The following MYO9A variants were observed in gnomAD, a reference collection of about 807,000 sequenced individuals.
MYO9A encodes the protein unconventional myosin-IXa.
Under a neutral mutation model 293.3 loss-of-function variants are expected in MYO9A, and 103 were observed. That is an observed-to-expected ratio of 0.35 (90% confidence interval 0.30 to 0.41). The LOEUF is 0.41. MYO9A is among the 10% of genes least tolerant of loss of function. The pLI is 1.00. For synonymous variants in MYO9A, 1,001 were observed against 1,035.7 expected, an observed-to-expected ratio of 0.97 and a Z score of 0.64; for missense variants, 2,685 against 3,033.0, an observed-to-expected ratio of 0.89 and a Z score of 2.69.
chr15:71,886,817 A>G (rs978037375), intron 27 of MYO9A, among the ~76,000 whole-genome samples: 1 of 152,062 alleles, frequency 6.6e-6, no homozygotes, highest in Non-Finnish European at 1.5e-5. Context: ...TATATAATCT[A>G]TTATTTCCAG....
chr15:71,939,235 G>T (rs1403779373), intron 15 of MYO9A, among the ~76,000 whole-genome samples: 2 of 152,112 alleles, frequency 1.3e-5, no homozygotes, highest in Non-Finnish European at 2.9e-5. Flanking sequence ...GGTTCAGGGG[G>T]TACACATGAA....
intron 1 of MYO9A, among the ~76,000 whole-genome samples, chr15:72,104,284 G>C (rs1230461995): frequency 6.6e-6 from 1 of 152,162 alleles, no homozygotes; most frequent in East Asian, 1.9e-4. Context: ...GCTAAGCTAA[G>C]CTATTATATT....
intron 32 of MYO9A, among the ~76,000 whole-genome samples, chr15:71,864,177 AG>A (rs564397021): frequency 4.7e-4 from 72 of 152,356 alleles, no homozygotes; most frequent in African/African-American, 1.5e-3. Flanking sequence ...AAAATACTGA[AG>A]AGACAGCTCA....
intron 30 of MYO9A, among the ~76,000 whole-genome samples, chr15:71,878,595 T>C (rs2056766895): frequency 2.0e-5 from 3 of 152,160 alleles, no homozygotes; most frequent in Admixed American, 6.5e-5. Context: ...ACTCTAAAAT[T>C]GAAAGAATGA....
Position 72,046,584 on chromosome 15 carries a change from C to A in MYO9A, c.-21G>T, listed in dbSNP as rs1346637318. ...TTCATATTGGATCCTGTCCCATCAG[C>A]ATGGATAGTATATGTTCAAAGTCGT... On this transcript the variant is annotated 5_prime_UTR_variant, in exon 2 of 42. It removes an upstream start codon present in the reference 5' UTR. Coordinates refer to ENST00000356056, the MANE Select transcript of MYO9A (RefSeq NM_006901.4). 1.3e-6 allele frequency: 2 copies of A among 1,555,158 alleles called. No homozygotes were observed. The highest frequency in any genetic ancestry group is 1.2e-5 in the South Asian group (1 of 81,436).
intron 1 of MYO9A, among the ~76,000 whole-genome samples, chr15:72,101,953 C>G (rs1224617126): frequency 1.3e-5 from 2 of 152,026 alleles, no homozygotes; most frequent in Non-Finnish European, 2.9e-5. Context: ...AAGTGAGGAG[C>G]CCCTCTGCCC....
intron 1 of MYO9A, among the ~76,000 whole-genome samples, chr15:72,100,519 G>A (rs1025762880): frequency 4.1e-5 from 6 of 147,686 alleles, no homozygotes; most frequent in Non-Finnish European, 3.0e-5. Context: ...GGTGAGGAGC[G>A]CCTCTTTCCG....
intron 17 of MYO9A, 35 bp from the exon 18 acceptor site, chr15:71,933,744 T>A (rs773767374): frequency 6.4e-7 from 1 of 1,561,928 alleles, no homozygotes; most frequent in Non-Finnish European, 8.7e-7. Flanking sequence ...AAAAAGCTAC[T>A]GTATAAAAAC....
chr15:71,926,238 C>T (rs1166925965), intron 18 of MYO9A, among the ~76,000 whole-genome samples: 2 of 152,150 alleles, frequency 1.3e-5, no homozygotes, highest in Non-Finnish European at 2.9e-5. Flanking sequence ...CAAGCCAGTC[C>T]TCTGGTCCTG....
At chr15:71,885,517 A>C (rs997712643) in intron 27 of MYO9A, among the ~76,000 whole-genome samples, 2 of 152,040 alleles carry the variant, frequency 1.3e-5, no homozygotes, top group Admixed American at 1.3e-4. Context: ...TGTTGAAAAA[A>C]ATCTCTCCCA....
At chr15:71,971,722 G>A (rs1481366825) in intron 12 of MYO9A, among the ~76,000 whole-genome samples, 1 of 151,486 alleles carries the variant, frequency 6.6e-6, no homozygotes, top group African/African-American at 2.4e-5. Context: ...CAAGAAAACT[G>A]AGGACTAAGG....
intron 2 of MYO9A, chr15:72,040,033 C>T (rs1404679550): frequency 6.2e-6 from 1 of 161,290 alleles, no homozygotes; most frequent in Non-Finnish European, 1.3e-5. Context: ...TCACCCTAGG[C>T]TTGTGGACCA....
At chr15:71,956,350 T>TATATATATATATATATATATAA (rs1475961500) in intron 14 of MYO9A, among the ~76,000 whole-genome samples, 10 of 121,156 alleles carry the variant, frequency 8.3e-5, no homozygotes, top group African/African-American at 3.0e-4. Context: ...TATATATATA[T>TATATATATATATATATATATAA]AAAATACGCC....
intron 6 of MYO9A, among the ~76,000 whole-genome samples, chr15:72,016,966 C>G (rs1463622623): frequency 6.6e-6 from 1 of 150,450 alleles, no homozygotes; most frequent in Non-Finnish European, 1.5e-5. Context: ...GGAAAATAAG[C>G]CAGCCAATAT....
Position 71,825,689 on chromosome 15 carries a change from CAA to C in MYO9A, c.*889_*890del, listed in dbSNP as rs1319515098. ...TATGCGGTTTTCGGTTTAATCTATA[CAA>C]AGAGAAAAGCCTGAATGGCTTAGGA... is the stretch of plus-strand genomic sequence containing the variant. On this transcript the variant is annotated 3_prime_UTR_variant, in exon 42 of 42. Transcript: ENST00000356056. The C allele has an allele frequency of 4.6e-5, 7 of 152,086 alleles. No homozygotes were observed. Among genetic ancestry groups the C allele is most frequent in the African/African-American group, 1.4e-4 (6 of 41,386 alleles). 9.4% of individuals were successfully genotyped at this position (152,086 alleles called of 1,614,324 possible).
chr15:71,842,564 A>G (rs2055204075), intron 39 of MYO9A, among the ~76,000 whole-genome samples: 1 of 151,530 alleles, frequency 6.6e-6, no homozygotes, highest in Admixed American at 6.6e-5. Flanking sequence ...GCTGCTTTTA[A>G]TATTTCTATA....
rs1301976718 is a variant in MYO9A, at chr15:71,947,304, T to G, written c.2302+4473A>C. Reference sequence around the variant, plus strand: ...TCAGGAAAAAAAAAAAAAAAAAGTTTTATTTACTTTACTTCCTTTTACTTA... The same window carrying G: ...TCAGGAAAAAAAAAAAAAAAAAGTTGTATTTACTTTACTTCCTTTTACTTA... On this transcript the variant is annotated intron_variant, in intron 15 of 41. Coordinates refer to ENST00000356056, the MANE Select transcript of MYO9A (RefSeq NM_006901.4). 4.6e-5 allele frequency among the ~76,000 whole-genome samples: 7 copies of G among 151,068 alleles called. 1 individual carries two copies. The highest frequency in any genetic ancestry group is 3.3e-4 in the Admixed American group (5 of 15,142).
At chr15:72,066,215 G>A (rs2079016254) in intron 1 of MYO9A, among the ~76,000 whole-genome samples, 1 of 152,144 alleles carries the variant, frequency 6.6e-6, no homozygotes, top group African/African-American at 2.4e-5. Context: ...CAGGCCAAGT[G>A]TGGTGGCTCA....
chr15:72,018,385 T>C (rs968805068), intron 6 of MYO9A, among the ~76,000 whole-genome samples: 3 of 152,100 alleles, frequency 2.0e-5, no homozygotes, highest in Non-Finnish European at 2.9e-5. Flanking sequence ...TGAGAATCGC[T>C]AGAACCCAGG....
Sources: gnomAD v4.1 joint callset for allele counts (sites outside exome capture counted in the v4.1 genomes callset) on GRCh38, gnomAD v4.1.1 for gene constraint, MANE v1.5 for transcripts, NCBI Gene and HGNC (gene_info 2026-07-23, HGNC 2026-07-21) for gene names.